The following ARSJ variants were observed in gnomAD, a reference collection of about 807,000 sequenced individuals.
ARSJ encodes the protein arylsulfatase family member J.
A neutral mutation model predicts 35.9 loss-of-function variants in ARSJ; 26 were observed. The ratio of observed to expected loss-of-function variants is 0.72; its 90% CI spans 0.53 to 1.00. The LOEUF (loss-of-function observed/expected upper bound fraction) is 1.00. ARSJ is among the 50% of genes least tolerant of loss of function. The pLI, the probability that ARSJ is intolerant of heterozygous loss-of-function variation, is 0.00. For missense variants in ARSJ, 667 were observed against 723.6 expected (o/e 0.92, Z 0.90); for synonymous variants, 294 against 267.6 (o/e 1.10, Z -0.96).
intron 1 of ARSJ, among the ~76,000 whole-genome samples, chr4:113,945,573 C>T (rs1296036680): frequency 1.3e-5 from 2 of 151,984 alleles, no homozygotes; most frequent in Non-Finnish European, 2.9e-5. Context: ...TAGAATTGAT[C>T]CTAAGACATT....
Position 113,910,577 on chromosome 4 carries a change from T to C in ARSJ, c.399-6902A>G, listed in dbSNP as rs2099670140. 2.0e-5 allele frequency among the ~76,000 whole-genome samples: 3 copies of C among 151,928 alleles called. No individual in the cohort carries two copies. In the South Asian group the frequency reaches 6.2e-4, roughly 31 times the overall value. ...TTTCCATATTCTGAAAGGTGTTTGC[T>C]TATGACTGCCTTCCAAAAGACTCTC... On this transcript the variant is annotated intron_variant, in intron 1 of 1. Coordinates refer to ENST00000315366, the MANE Select transcript of ARSJ (RefSeq NM_024590.4).
Position 113,978,425 on chromosome 4 carries a change from A to G in ARSJ, c.398+12T>C, listed in dbSNP as rs760708912. 22 of 1,564,814 alleles carry G rather than the reference A, an allele frequency of 1.4e-5. No individual in the cohort carries two copies. Among genetic ancestry groups the G allele is most frequent in the Non-Finnish European group, 1.7e-6 (2 of 1,156,380 alleles). On this transcript the variant is annotated intron_variant, in intron 1 of 1. Transcript: ENST00000315366. ...TCTCCAAGGAATAAATATAAGAAGT[A>G]GGAACACTTACTTTCCAGTAATAAA... is the stretch of plus-strand genomic sequence containing the variant.
At chr4:113,911,094 G>A (rs1385178738) in intron 1 of ARSJ, among the ~76,000 whole-genome samples, 2 of 152,162 alleles carry the variant, frequency 1.3e-5, no homozygotes, top group Non-Finnish European at 2.9e-5. Context: ...TGCAGCAGGA[G>A]GAGCCATCCA....
At chr4:113,946,594 C>CACAT (rs879793965) in intron 1 of ARSJ, among the ~76,000 whole-genome samples, 2 of 150,922 alleles carry the variant, frequency 1.3e-5, no homozygotes, top group Non-Finnish European at 3.0e-5. Flanking sequence ...CACACACACA[C>CACAT]GTCAGTAAGT....
chr4:113,969,399 AG>A (rs1727100224), intron 1 of ARSJ, among the ~76,000 whole-genome samples: 1 of 152,158 alleles, frequency 6.6e-6, no homozygotes, highest in Non-Finnish European at 1.5e-5. Flanking sequence ...ATTGGATGAG[AG>A]CTATGACTAT....
rs1218037417 is a variant in ARSJ, at chr4:113,900,516, A to C, written c.*1758T>G. 4 of 152,136 alleles carry C rather than the reference A, an allele frequency of 2.6e-5. No homozygotes were observed. The highest frequency in any genetic ancestry group is 4.4e-5 in the Non-Finnish European group (3 of 68,002). 9.4% of individuals were successfully genotyped at this position (152,136 alleles called of 1,614,324 possible). A position where few individuals can be genotyped will look rare whatever the true frequency, so the allele number is the denominator to read the frequency against. ...AAACTGTGAGCTGTGATATAAATGG[A>C]TTATATCACAGTCCTTTGAGTTGTG... On this transcript the variant is annotated 3_prime_UTR_variant, in exon 2 of 2. Coordinates refer to ENST00000315366, the MANE Select transcript of ARSJ (RefSeq NM_024590.4).
chr4:113,932,150 T>C (rs890304251), intron 1 of ARSJ, among the ~76,000 whole-genome samples: 2 of 152,034 alleles, frequency 1.3e-5, no homozygotes, highest in African/African-American at 4.8e-5. Flanking sequence ...AAGTGGTCAA[T>C]TTAGCGAGAC....
chr4:113,979,095 T>C lies in ARSJ; in HGVS notation c.-261A>G. ...CTCCTCCCCCCTCCCTAGAGCAGCT[T>C]CCACCAAGGAAAAAAAAAAGAAAAA... On this transcript the variant is annotated 5_prime_UTR_variant, in exon 1 of 2. Coordinates refer to ENST00000315366, the MANE Select transcript of ARSJ (RefSeq NM_024590.4). The C allele has an allele frequency of 2.8e-6, 1 of 361,634 alleles. No individual in the cohort carries two copies. The highest frequency in any genetic ancestry group is 4.9e-6 in the Non-Finnish European group (1 of 202,186). 22.4% of individuals were successfully genotyped at this position (361,634 alleles called of 1,614,324 possible). A position where few individuals can be genotyped will look rare whatever the true frequency, so the allele number is the denominator to read the frequency against.
intron 1 of ARSJ, among the ~76,000 whole-genome samples, chr4:113,939,860 A>T (rs1167772849): frequency 6.6e-6 from 1 of 151,912 alleles, no homozygotes; most frequent in Admixed American, 6.6e-5. Flanking sequence ...ATTTTCTCCC[A>T]TTTTGTAGGT....
rs1316109404 is a variant in ARSJ, at chr4:113,902,645, G to A, written c.1429C>T (p.Pro477Ser). ...ATCCGTTCATTGTGCCACCGGTTCG[G>A]TCCCAGGTTGCTGAAAGACTGAGGG... Reference protein sequence around the residue: ...VPPQSFSNLGPNRWHNERITL... With the variant: ...VPPQSFSNLGSNRWHNERITL... The change falls in exon 2 of 2, where the codon CCG becomes TCG. Residue 477 changes from proline to serine, a missense_variant. Pro to Ser is a moderately conservative substitution (Grantham distance 74). Coordinates refer to ENST00000315366, the MANE Select transcript of ARSJ (RefSeq NM_024590.4). 15 of 1,614,166 alleles carry A rather than the reference G, an allele frequency of 9.3e-6. No individual in the cohort carries two copies. Among genetic ancestry groups the A allele is most frequent in the Non-Finnish European group, 1.2e-5 (14 of 1,180,032 alleles).
chr4:113,956,257 A>T (rs945048748), intron 1 of ARSJ, among the ~76,000 whole-genome samples: 1 of 152,096 alleles, frequency 6.6e-6, no homozygotes, highest in African/African-American at 2.4e-5. Context: ...ATTTAAACCC[A>T]TAATAATAAA....
intron 1 of ARSJ, among the ~76,000 whole-genome samples, chr4:113,925,850 G>C (rs2149261450): frequency 6.6e-6 from 1 of 152,282 alleles, no homozygotes; most frequent in South Asian, 2.1e-4. Flanking sequence ...CTGCCACCAG[G>C]TAGCTGGCTG....
chr4:113,941,469 C>T (rs1164919292), intron 1 of ARSJ, among the ~76,000 whole-genome samples: 9 of 151,942 alleles, frequency 5.9e-5, no homozygotes, highest in African/African-American at 2.2e-4. Flanking sequence ...CCTCAAACAA[C>T]TTGTGTCTGG....
intron 1 of ARSJ, among the ~76,000 whole-genome samples, chr4:113,969,779 A>C (rs895758226): frequency 2.0e-5 from 3 of 152,248 alleles, no homozygotes; most frequent in African/African-American, 7.2e-5. Flanking sequence ...GGGGGAAATA[A>C]ATAATCATTT....
At chr4:113,959,545 G>A (rs1321335774) in intron 1 of ARSJ, among the ~76,000 whole-genome samples, 1 of 151,914 alleles carries the variant, frequency 6.6e-6, no homozygotes, top group Non-Finnish European at 1.5e-5. Flanking sequence ...GCACTTCCCT[G>A]TTTTCATGTC....
intron 1 of ARSJ, among the ~76,000 whole-genome samples, chr4:113,964,783 G>T (rs116430381): frequency 0.043 from 6,564 of 152,084 alleles, 463 homozygotes; most frequent in African/African-American, 0.15. Context: ...TATTGGAAAC[G>T]CAGAACCAAG....
At chr4:113,916,149 T>C (rs757934493) in intron 1 of ARSJ, among the ~76,000 whole-genome samples, 9 of 152,208 alleles carry the variant, frequency 5.9e-5, no homozygotes, top group Non-Finnish European at 1.3e-4. Context: ...GGTAGAGAGG[T>C]TGGTAGAGGG....
Position 113,978,555 on chromosome 4 carries a change from G to A in ARSJ, c.280C>T (p.His94Tyr), listed in dbSNP as rs1727734459. 8 of 1,614,076 alleles carry A rather than the reference G, an allele frequency of 5.0e-6. No individual in the cohort carries two copies. Among genetic ancestry groups the A allele is most frequent in the Non-Finnish European group, 6.8e-6 (8 of 1,180,028 alleles). Residue 94 changes from histidine to tyrosine, a missense_variant, in exon 1 of 2, where the codon CAC becomes TAC. By Grantham distance (83) the His-to-Tyr change is moderately conservative. Transcript: ENST00000315366. The stretch of plus-strand genomic sequence containing the variant: ...GTAGGTGTTTTAATCTCAGATCCGT[G>A]GTAACCCACATCTCTAAATCCCTGA... ...DDQGFRDVGY[H>Y]GSEIKTPTLD...
intron 1 of ARSJ, among the ~76,000 whole-genome samples, chr4:113,950,898 A>G (rs1192901097): frequency 6.6e-6 from 1 of 152,094 alleles, no homozygotes; most frequent in Non-Finnish European, 1.5e-5. Context: ...GCACTGGTAT[A>G]CTGACGTGGT....
Sources: allele counts gnomAD v4.1 joint callset (sites outside exome capture counted in the v4.1 genomes callset), GRCh38; gene constraint gnomAD v4.1.1; transcripts MANE v1.5; gene names NCBI Gene and HGNC (gene_info 2026-07-23, HGNC 2026-07-21).